Variants in CCDC141 observed in about 807,000 individuals in gnomAD.
CCDC141 encodes coiled-coil domain containing 141.
In CCDC141, 168 loss-of-function variants were observed where a neutral mutation model predicts 181.0. That is an observed-to-expected ratio of 0.93 (90% CI 0.82 to 1.05). The LOEUF (loss-of-function observed/expected upper bound fraction) is 1.05. CCDC141 is among the 50% of genes least tolerant of loss of function. The pLI, the probability that CCDC141 is intolerant of heterozygous loss-of-function variation, is 0.00. For missense variants in CCDC141, 1,902 were observed against 1,788.5 expected, an observed-to-expected ratio of 1.06 and a Z score of -1.14; for synonymous variants, 666 against 642.3, an observed-to-expected ratio of 1.04 and a Z score of -0.56.
At chr2:178,934,100 T>G (rs200937920) in intron 6 of CCDC141, among the ~76,000 whole-genome samples, 1 of 16,388 alleles carries the variant, frequency 6.1e-5, no homozygotes, top group Non-Finnish European at 1.2e-4. Context: ...GACATCAGTA[T>G]TTTTTTCAAC....
In CCDC141 at chr2:178,961,428, G is replaced by A. The variant is rs1690393033; in HGVS notation, c.582C>T (p.Phe194=). 4.5e-6 allele frequency: 7 copies of A among 1,550,290 alleles called. No individual in the cohort carries two copies. In the East Asian group the frequency reaches 1.7e-4, roughly 38 times the overall value. The part of the protein sequence containing the change: ...LLNKSQQLTD[F]IEKFKCEGPN... ...GTCCTTCACACTTGAATTTTTCTAT[G>A]AAGTCAGTGAGTTGTTGACTTTTGT... Residue 194 remains phenylalanine (F), a synonymous_variant, in exon 5 of 24, where the codon TTC becomes TTT. Transcript: ENST00000443758.
At chr2:178,820,542 A>G in the CCDC141 span, among the ~76,000 whole-genome samples, 2 of 152,374 alleles carry the variant, frequency 1.3e-5, no homozygotes, top group Admixed American at 6.5e-5. Flanking sequence ...TTGAGGCTCA[A>G]GCTTAATTTG....
At chr2:178,871,401 C>T in intron 14 of CCDC141, 26 bp downstream of exon 14, 1 of 1,600,060 alleles carries the variant, frequency 6.2e-7, no homozygotes, top group Non-Finnish European at 8.5e-7. Flanking sequence ...TTCCATTCAC[C>T]CAAATCCAGC....
At chr2:178,899,507 C>T (rs1687581229) in intron 8 of CCDC141, among the ~76,000 whole-genome samples, 1 of 152,156 alleles carries the variant, frequency 6.6e-6, no homozygotes, top group Admixed American at 6.5e-5. Context: ...TGTATATCTT[C>T]ATTTTACAAA....
intron 7 of CCDC141, among the ~76,000 whole-genome samples, chr2:178,906,270 C>T (rs1687965144): frequency 6.6e-6 from 1 of 152,112 alleles, no homozygotes; most frequent in African/African-American, 2.4e-5. Flanking sequence ...ATAGAATTAA[C>T]ATAAAATAGA....
At chr2:178,877,621 C>A (rs913364412) in intron 12 of CCDC141, 1 of 310,730 alleles carries the variant, frequency 3.2e-6, no homozygotes, top group Non-Finnish European at 5.8e-6. Flanking sequence ...TTGTCTTTAG[C>A]CCCTAGAAAT....
chr2:178,932,445 A>C (rs138071840), intron 6 of CCDC141, among the ~76,000 whole-genome samples: 339 of 152,194 alleles, frequency 2.2e-3, no homozygotes, highest in Middle Eastern at 0.017. Context: ...CTAAGATGCT[A>C]TATGTTGCCA....
Position 178,878,269 on chromosome 2 carries a change from A to G in CCDC141, c.1720-126T>C, listed in dbSNP as rs13400020. The G allele has an allele frequency of 0.075, 23,410 of 313,680 alleles. 1,271 individuals are homozygous for G. The highest frequency in any genetic ancestry group is 0.16 in the Admixed American group (3,106 of 18,984). The allele number at this position is 313,680 out of a possible 1,614,324, so 19.4% of individuals were successfully genotyped here. On this transcript the variant is annotated intron_variant, in intron 11 of 23. Transcript: ENST00000443758. ...TTTTCTGAATTTTTAATTTGTAAAC[A>G]TATTTATTTATTTATTTATTTATTT... is the stretch of plus-strand genomic sequence containing the variant.
At chr2:178,868,226 A>C in intron 15 of CCDC141, 21 bp from the exon 16 acceptor site, 2 of 1,588,354 alleles carry the variant, frequency 1.3e-6, no homozygotes, top group Non-Finnish European at 1.7e-6. Flanking sequence ...GGGCATTAAC[A>C]ATTAACCTGG....
intron 2 of CCDC141, among the ~76,000 whole-genome samples, chr2:179,009,518 G>C (rs1041126676): frequency 5.3e-5 from 8 of 152,130 alleles, no homozygotes; most frequent in East Asian, 1.9e-4. Flanking sequence ...CTGAACTGCA[G>C]TGATTGTTTT....
chr2:178,818,462 A>G, the CCDC141 span, among the ~76,000 whole-genome samples: 2 of 152,008 alleles, frequency 1.3e-5, no homozygotes, highest in African/African-American at 2.4e-5. Flanking sequence ...CAAGGTGTGT[A>G]GTTCCCCTCC....
intron 11 of CCDC141, among the ~76,000 whole-genome samples, chr2:178,879,423 C>A (rs559920998): frequency 1.7e-3 from 262 of 152,280 alleles, no homozygotes; most frequent in African/African-American, 6.2e-3. Context: ...CAGAAGCTGT[C>A]TCCTCATTTC....
intron 17 of CCDC141, among the ~76,000 whole-genome samples, chr2:178,859,068 G>C (rs188658337): frequency 6.6e-6 from 1 of 152,194 alleles, no homozygotes; most frequent in Non-Finnish European, 1.5e-5. Context: ...GTCAAAGAAT[G>C]TTCATGACAC....
intron 6 of CCDC141, among the ~76,000 whole-genome samples, chr2:178,926,354 C>T (rs1380696153): frequency 1.3e-5 from 2 of 152,000 alleles, no homozygotes; most frequent in East Asian, 3.9e-4. Flanking sequence ...TAGTTTAAAC[C>T]TTAAAACTTT....
chr2:178,884,899 A>G lies in CCDC141; in HGVS notation c.1719+2T>C, dbSNP rs1320559615. ...GAAGAAGGTTAACACATAGTACCAT[A>G]CCTCCTCTGATGACTTCAGAAATGC... On this transcript the variant is annotated splice_donor_variant, in intron 11 of 23. Coordinates refer to ENST00000443758, the MANE Select transcript of CCDC141 (RefSeq NM_173648.4). LOFTEE classifies it high-confidence loss of function. The G allele has an allele frequency of 6.5e-7, 1 of 1,549,738 alleles. No individual in the cohort carries two copies. The highest frequency in any genetic ancestry group is 8.7e-7 in the Non-Finnish European group (1 of 1,146,400).
intron 21 of CCDC141, among the ~76,000 whole-genome samples, chr2:178,848,025 C>A (rs746274840): frequency 1.3e-5 from 2 of 152,168 alleles, no homozygotes; most frequent in Admixed American, 6.5e-5. Flanking sequence ...GGCATCTTGT[C>A]TATGGCATTT....
intron 20 of CCDC141, 51 bp from the exon 21 acceptor site, chr2:178,850,212 A>G (rs949306104): frequency 1.1e-6 from 1 of 926,852 alleles, no homozygotes; most frequent in African/African-American, 1.6e-5. Flanking sequence ...TTTTAGCAAG[A>G]AGAAAAGTCC....
chr2:178,969,160 TTCTAC>T (rs1234088180), intron 4 of CCDC141, among the ~76,000 whole-genome samples: 1 of 142,872 alleles, frequency 7.0e-6, no homozygotes, highest in African/African-American at 2.6e-5. Flanking sequence ...CACAGCTGAA[TTCTAC>T]CAGAGGTACA....
chr2:178,896,576 G>T (rs957824559), intron 8 of CCDC141, among the ~76,000 whole-genome samples: 1 of 152,116 alleles, frequency 6.6e-6, no homozygotes. Flanking sequence ...TAAATTTTAA[G>T]TGCACTAAAA....
Sources: allele counts gnomAD v4.1 joint callset (sites outside exome capture counted in the v4.1 genomes callset), GRCh38; gene constraint gnomAD v4.1.1; transcripts MANE v1.5; gene names NCBI Gene and HGNC (gene_info 2026-07-23, HGNC 2026-07-21).